Variants in PLPPR1 observed in about 807,000 individuals in gnomAD.
PLPPR1 encodes the protein phospholipid phosphatase-related protein type 1.
PLPPR1 carries 10 observed loss-of-function variants against 33.1 expected under a neutral mutation model. The ratio of observed to expected loss-of-function variants is 0.30; its 90% confidence interval spans 0.19 to 0.51. The LOEUF (loss-of-function observed/expected upper bound fraction) is 0.51. PLPPR1 is among the 20% of genes least tolerant of loss of function. The probability of loss-of-function intolerance (pLI) is 0.97; values close to 1 mark genes in which losing one functional copy is unlikely to be tolerated. For missense variants in PLPPR1, 304 were observed against 408.1 expected, an observed-to-expected ratio of 0.74 and a Z score of 2.20; for synonymous variants, 151 against 151.0, an observed-to-expected ratio of 1.00 and a Z score of 0.00.
At chr9:101,304,461 A>G (rs952464310) in intron 4 of PLPPR1, among the ~76,000 whole-genome samples, 4 of 152,228 alleles carry the variant, frequency 2.6e-5, no homozygotes, top group African/African-American at 9.6e-5. Context: ...TTGCTGTAAT[A>G]AAGCTTCCAT....
chr9:101,211,203 A>G (rs1221452808), intron 2 of PLPPR1, among the ~76,000 whole-genome samples: 4 of 152,176 alleles, frequency 2.6e-5, no homozygotes, highest in Non-Finnish European at 5.9e-5. Flanking sequence ...GATGGTAAGA[A>G]AAAAAGGCAG....
chr9:101,066,603 A>G (rs560255929), intron 1 of PLPPR1, among the ~76,000 whole-genome samples: 16 of 152,154 alleles, frequency 1.1e-4, no homozygotes, highest in African/African-American at 3.1e-4. Flanking sequence ...TTATAATCCT[A>G]TACTACTATA....
chr9:101,078,167 GAAGAAGAAGAAGAAGAA>G (rs1830567521), intron 1 of PLPPR1, among the ~76,000 whole-genome samples: 2 of 37,794 alleles, frequency 5.3e-5, no homozygotes, highest in African/African-American at 1.1e-4. Flanking sequence ...AGAAGAAGAA[GAAGAAGAAGAAGAAGAA>G]GAGGAGGGGG....
chr9:101,215,325 G>A (rs868215160), intron 2 of PLPPR1, among the ~76,000 whole-genome samples: 4 of 151,958 alleles, frequency 2.6e-5, no homozygotes, highest in African/African-American at 9.7e-5. Flanking sequence ...TGTCTCCCAG[G>A]CTGGAGTGCA....
At chr9:101,182,151 A>G (rs1230248740) in intron 1 of PLPPR1, among the ~76,000 whole-genome samples, 2 of 151,714 alleles carry the variant, frequency 1.3e-5, no homozygotes, top group African/African-American at 2.4e-5. Flanking sequence ...CAGAAAGACA[A>G]ATACCGTATG....
intron 2 of PLPPR1, among the ~76,000 whole-genome samples, chr9:101,194,886 AC>A (rs1408627541): frequency 6.6e-6 from 1 of 152,222 alleles, no homozygotes; most frequent in East Asian, 1.9e-4. Context: ...ACATATATTG[AC>A]CCAGGCTAAA....
chr9:101,316,117 C>T (rs551563951), intron 6 of PLPPR1, among the ~76,000 whole-genome samples: 79 of 152,272 alleles, frequency 5.2e-4, no homozygotes, highest in South Asian at 1.0e-3. Flanking sequence ...AAAGTTTCTA[C>T]AGGTTCCCCT....
rs1828066803 is a variant in PLPPR1, at chr9:101,270,076, C to A, written c.252+8C>A. 1 of 1,613,448 alleles carries A rather than the reference C, an allele frequency of 6.2e-7. No homozygotes were observed. ...GCCACCCCAACTGCTATTGTAAGTA[C>A]AGAAATAGACTTTCCTCTTTATTGT... On this transcript the variant is annotated splice_region_variant and intron_variant, in intron 3 of 7. Transcript: ENST00000374874.
chr9:101,088,061 C>T (rs1830699790), intron 1 of PLPPR1, among the ~76,000 whole-genome samples: 9 of 152,170 alleles, frequency 5.9e-5, no homozygotes. Flanking sequence ...GAAGAGGACC[C>T]TTACTGATAG....
rs903385310 is a variant in PLPPR1 at position 101,148,311 on chromosome 9, G to T, written c.-45-37139G>T. On this transcript the variant is annotated intron_variant, in intron 1 of 7. Coordinates refer to ENST00000374874, the MANE Select transcript of PLPPR1 (RefSeq NM_207299.2). ...GGTTATCTGACTTCAAACCCTGCCC[G>T]GTCATTTGCCTTGCAATGAAACTAC... Among the ~76,000 whole-genome samples the T allele has an allele frequency of 1.1e-4, 16 of 152,042 alleles. No individual in the cohort carries two copies. In the East Asian group the frequency reaches 1.3e-3, roughly 13 times the overall value.
chr9:101,268,248 AATATACATAAAAAAAAT>A (rs1828034113), intron 2 of PLPPR1, among the ~76,000 whole-genome samples: 1 of 146,996 alleles, frequency 6.8e-6, no homozygotes, highest in Non-Finnish European at 1.5e-5. Context: ...GTAAAATAAA[AATATACATAAAAAAAAT>A]AAAATCTTTG....
chr9:101,206,244 A>G (rs1826586265), intron 2 of PLPPR1, among the ~76,000 whole-genome samples: 2 of 152,336 alleles, frequency 1.3e-5, no homozygotes, highest in South Asian at 4.1e-4. Flanking sequence ...GTTTGAATCC[A>G]TACTCATACT....
intron 2 of PLPPR1, among the ~76,000 whole-genome samples, chr9:101,196,583 C>T (rs779230325): frequency 2.0e-5 from 3 of 152,138 alleles, no homozygotes; most frequent in Non-Finnish European, 2.9e-5. Flanking sequence ...TATTGTTGGC[C>T]GGACGCGGCG....
At chr9:101,258,663 C>T (rs187331476) in intron 2 of PLPPR1, among the ~76,000 whole-genome samples, 27 of 152,274 alleles carry the variant, frequency 1.8e-4, no homozygotes, top group Admixed American at 1.4e-3. Context: ...TCTCTTGGCT[C>T]GTCCTCTCAC....
intron 1 of PLPPR1, among the ~76,000 whole-genome samples, chr9:101,134,923 G>T (rs1831360422): frequency 6.6e-6 from 1 of 152,098 alleles, no homozygotes; most frequent in South Asian, 2.1e-4. Context: ...GGCTTATGGG[G>T]CAACAGAGGA....
At chr9:101,134,985 G>T (rs556853229) in intron 1 of PLPPR1, among the ~76,000 whole-genome samples, 36 of 152,234 alleles carry the variant, frequency 2.4e-4, no homozygotes, top group Non-Finnish European at 4.4e-4. Context: ...CCATTTTGCA[G>T]ATGAGGTGAT....
chr9:101,035,295 G>A (rs1829996267), intron 1 of PLPPR1, among the ~76,000 whole-genome samples: 1 of 152,064 alleles, frequency 6.6e-6, no homozygotes, highest in Admixed American at 6.5e-5. Context: ...TTGGCAGCAG[G>A]GCAGGAACTG....
rs111405144 is a variant in PLPPR1, at chr9:101,226,476, C to T, written c.63+40919C>T. 7.3e-4 allele frequency among the ~76,000 whole-genome samples: 111 copies of T among 152,248 alleles called. 1 individual carries two copies. Among genetic ancestry groups the T allele is most frequent in the African/African-American group, 2.6e-3 (107 of 41,556 alleles). On this transcript the variant is annotated intron_variant, in intron 2 of 7. Coordinates refer to ENST00000374874, the MANE Select transcript of PLPPR1 (RefSeq NM_207299.2). ...TCATAAACAAAAGAAGTGTGTTTCT[C>T]ATAGTTCTGGAAGCTGGGAAGTCCA...
chr9:101,149,708 TCTC>T (rs756962034), intron 1 of PLPPR1, among the ~76,000 whole-genome samples: 9 of 152,296 alleles, frequency 5.9e-5, no homozygotes, highest in Non-Finnish European at 8.8e-5. Context: ...AAGTTTTTAT[TCTC>T]CTTGCTCTTT....
Sources: gnomAD v4.1 joint callset for allele counts (sites outside exome capture counted in the v4.1 genomes callset) on GRCh38, gnomAD v4.1.1 for gene constraint, MANE v1.5 for transcripts, NCBI Gene and HGNC (gene_info 2026-07-23, HGNC 2026-07-21) for gene names.